Variants in SNAPC3 observed in about 807,000 individuals in gnomAD.
The protein encoded by SNAPC3 is snRNA-activating protein complex subunit 3.
In SNAPC3, 56 loss-of-function variants were observed where a neutral mutation model predicts 47.7. The observed-to-expected ratio is 1.18, with a 90% CI of 0.95 to 1.47. The LOEUF (loss-of-function observed/expected upper bound fraction) is 1.47, where lower values mean the gene tolerates loss of function less well. Among genes scored for constraint, SNAPC3 ranks in the 40% most tolerant of loss-of-function variants. The probability of loss-of-function intolerance (pLI) is 0.00; values close to 1 mark genes in which losing one functional copy is unlikely to be tolerated. For synonymous variants in SNAPC3, 235 were observed against 189.9 expected (o/e 1.24, Z -1.95); for missense variants, 665 against 511.3 (o/e 1.30, Z -2.90).
intron 7 of SNAPC3, among the ~76,000 whole-genome samples, chr9:15,457,213 TA>T (rs1417540960): frequency 6.6e-6 from 1 of 152,038 alleles, no homozygotes; most frequent in Non-Finnish European, 1.5e-5. Flanking sequence ...AAGGAGACAT[TA>T]AAAAAACAAG....
intron 3 of SNAPC3, among the ~76,000 whole-genome samples, 172 bp from the exon 4 acceptor site, chr9:15,444,430 T>C (rs530860832): frequency 1.3e-5 from 2 of 152,358 alleles, no homozygotes; most frequent in South Asian, 4.1e-4. Flanking sequence ...TGTTTGTTTA[T>C]TGAAAGAAGA....
At chr9:15,466,284 C>CA (rs201218583), downstream of SNAPC3, among the ~76,000 whole-genome samples, 1,997 of 152,298 alleles carry the variant, frequency 0.013, 138 homozygotes, top group Admixed American at 0.11. Flanking sequence ...GAGGCTGAGG[C>CA]AGGAGAATCG....
intron 3 of SNAPC3, among the ~76,000 whole-genome samples, chr9:15,442,865 C>T (rs543126663): frequency 2.6e-5 from 4 of 152,308 alleles, no homozygotes; most frequent in East Asian, 1.9e-4. Context: ...CGCCACTGCA[C>T]TCCAGCCTGG....
chr9:15,466,134 C>CTG, downstream of SNAPC3, among the ~76,000 whole-genome samples: 1 of 152,248 alleles, frequency 6.6e-6, no homozygotes, highest in Non-Finnish European at 1.5e-5. Flanking sequence ...AATCCCAACA[C>CTG]TGGGAAGCCA....
In SNAPC3 at chr9:15,461,283, A is replaced by G. The variant is rs1002946546; in HGVS notation, c.*1417A>G. On this transcript the variant is annotated 3_prime_UTR_variant, in exon 9 of 9. Transcript: ENST00000380821. ...TCAGGTGATCCTCCCACCTCAGCCT[A>G]CCGAGTAGCTGAGACATGGTGGCAC... is the stretch of plus-strand genomic sequence containing the variant. The G allele has an allele frequency of 2.6e-5, 4 of 152,116 alleles. No homozygotes were observed. Among genetic ancestry groups the G allele is most frequent in the African/African-American group, 7.2e-5 (3 of 41,418 alleles). 9.4% of individuals were successfully genotyped at this position (152,116 alleles called of 1,614,324 possible).
At position 15,423,198 on chromosome 9, in the gene SNAPC3, G is replaced by C. The variant is rs1365680949; in HGVS notation, c.314+5G>C. ...TGAGCTGAGGGCGGTGTGCGGGTGA[G>C]TGCGGAGCAAAGGGGCTCTTGCAGC... is the stretch of plus-strand genomic sequence containing the variant. On this transcript the variant is annotated splice_donor_5th_base_variant and intron_variant, in intron 1 of 8. Transcript: ENST00000380821. The C allele has an allele frequency of 4.9e-5, 78 of 1,576,320 alleles. No individual in the cohort carries two copies. The highest frequency in any genetic ancestry group is 6.6e-5 in the Non-Finnish European group (77 of 1,169,970).
At chr9:15,429,833 T>C (rs953669910) in intron 2 of SNAPC3, among the ~76,000 whole-genome samples, 1 of 152,026 alleles carries the variant, frequency 6.6e-6, no homozygotes, top group African/African-American at 2.4e-5. Flanking sequence ...AACAAAAATC[T>C]TGGGATGACA....
In SNAPC3 at chr9:15,423,125, G is replaced by A. The variant is rs1478414161; in HGVS notation, c.246G>A (p.Glu82=). The A allele has an allele frequency of 2.6e-6, 4 of 1,556,864 alleles. No homozygotes were observed. In the African/African-American group the frequency reaches 4.2e-5, roughly 16 times the overall value. The change falls in exon 1 of 9, where the codon GAG becomes GAA. Residue 82 remains glutamate, a synonymous_variant. Transcript: ENST00000380821. ...PGSQAADSDR[E]DAAVARDLDC... The stretch of plus-strand genomic sequence containing the variant: ...GCCAGGCAGCTGACTCCGACCGGGA[G>A]GATGCCGCGGTGGCCAGGGATCTGG...
intron 5 of SNAPC3, among the ~76,000 whole-genome samples, chr9:15,450,511 G>T (rs2034307913): frequency 6.6e-6 from 1 of 152,148 alleles, no homozygotes. Context: ...GAGAAAACAG[G>T]TCTGAGAAGT....
intron 2 of SNAPC3, among the ~76,000 whole-genome samples, chr9:15,429,499 A>G (rs1454402799): frequency 1.3e-5 from 2 of 152,152 alleles, no homozygotes; most frequent in Admixed American, 6.5e-5. Flanking sequence ...AAAATGGATA[A>G]TGTGTGGGCA....
At chr9:15,437,552 T>A (rs1380520410) in intron 3 of SNAPC3, among the ~76,000 whole-genome samples, 1 of 151,578 alleles carries the variant, frequency 6.6e-6, no homozygotes, top group Non-Finnish European at 1.5e-5. Context: ...TTTTCTTTAG[T>A]GTTTTTATCA....
chr9:15,448,192 G>A lies in SNAPC3; in HGVS notation c.732+948G>A, dbSNP rs527352651. Among the ~76,000 whole-genome samples, 3 of 152,180 alleles carry A rather than the reference G, an allele frequency of 2.0e-5. No homozygotes were observed. The South Asian group carries it at 6.2e-4, about 32-fold the overall frequency. On this transcript the variant is annotated intron_variant, in intron 5 of 8. Coordinates refer to ENST00000380821, the MANE Select transcript of SNAPC3 (RefSeq NM_001039697.2). ...ACAATCTCCTTTTTTCCTGGGTCCT[G>A]TTCCACCAGCCACATAAATGTTGGT...
intron 4 of SNAPC3, among the ~76,000 whole-genome samples, 186 bp downstream of exon 4, chr9:15,444,892 G>C (rs1189020271): frequency 1.3e-5 from 2 of 152,156 alleles, no homozygotes; most frequent in Non-Finnish European, 2.9e-5. Context: ...AGGAGTTTGA[G>C]ACCAACCTGG....
intron 5 of SNAPC3, among the ~76,000 whole-genome samples, chr9:15,449,821 T>C (rs1277134750): frequency 6.6e-6 from 1 of 151,820 alleles, no homozygotes. Context: ...TCTGCCCACC[T>C]CAGCCTCCCA....
intron 7 of SNAPC3, among the ~76,000 whole-genome samples, chr9:15,456,451 C>T (rs1587404369): frequency 1.3e-5 from 2 of 152,028 alleles, no homozygotes; most frequent in East Asian, 3.9e-4. Context: ...GTTTGAGTGT[C>T]AAAGACAAAC....
intron 7 of SNAPC3, among the ~76,000 whole-genome samples, chr9:15,455,393 C>T (rs2034699374): frequency 6.6e-6 from 1 of 152,014 alleles, no homozygotes; most frequent in Non-Finnish European, 1.5e-5. Context: ...ATGGTGAAAT[C>T]CTGTCTCTAC....
At chr9:15,431,670 A>G (rs2032164851) in intron 2 of SNAPC3, among the ~76,000 whole-genome samples, 1 of 152,164 alleles carries the variant, frequency 6.6e-6, no homozygotes, top group Non-Finnish European at 1.5e-5. Flanking sequence ...ACAAAGAGGG[A>G]GTGACACTTT....
At chr9:15,465,734 A>G, downstream of SNAPC3, 2 of 573,174 alleles carry the variant, frequency 3.5e-6, no homozygotes, top group Admixed American at 3.6e-5. Context: ...AACAGTCATT[A>G]TTATTTTTTT....
downstream of SNAPC3, among the ~76,000 whole-genome samples, chr9:15,466,520 T>G (rs921934340): frequency 6.6e-6 from 1 of 152,252 alleles, no homozygotes; most frequent in African/African-American, 2.4e-5. Flanking sequence ...ATTTTCTTTT[T>G]AACTGGGTTC....
Sources: gnomAD v4.1 joint callset for allele counts (sites outside exome capture counted in the v4.1 genomes callset) on GRCh38, gnomAD v4.1.1 for gene constraint, MANE v1.5 for transcripts, NCBI Gene and HGNC (gene_info 2026-07-23, HGNC 2026-07-21) for gene names.